GABBR2: variants seen among roughly 807,000 people sequenced by gnomAD.
GABBR2 encodes G-protein coupled receptor 51.
A neutral mutation model predicts 105.6 loss-of-function variants in GABBR2; 23 were observed. The observed-to-expected ratio is 0.22, with a 90% CI of 0.16 to 0.31. The LOEUF (loss-of-function observed/expected upper bound fraction) is 0.31, where lower values mean the gene tolerates loss of function less well. GABBR2 is among the 10% of genes least tolerant of loss of function. The pLI is 1.00. For synonymous variants in GABBR2, 478 were observed against 499.7 expected, an observed-to-expected ratio of 0.96 and a Z score of 0.58; for missense variants, 734 against 1,245.5, an observed-to-expected ratio of 0.59 and a Z score of 6.18.
intron 13 of GABBR2, among the ~76,000 whole-genome samples, chr9:98,325,283 C>CTTTTTTTTT (rs886288539): frequency 1.5e-5 from 1 of 67,618 alleles, no homozygotes; most frequent in Non-Finnish European, 2.7e-5. Flanking sequence ...GACAGCAATT[C>CTTTTTTTTT]TTTTTTTTTT....
intron 4 of GABBR2, among the ~76,000 whole-genome samples, chr9:98,493,117 G>C (rs1018888228): frequency 1.3e-5 from 2 of 151,920 alleles, no homozygotes; most frequent in South Asian, 4.2e-4. Context: ...TTATACTTTG[G>C]GTTATATTCT....
chr9:98,447,612 A>G (rs1309396051), intron 7 of GABBR2, among the ~76,000 whole-genome samples: 3 of 151,676 alleles, frequency 2.0e-5, no homozygotes. Flanking sequence ...AAGTGCACAA[A>G]CTCCAGGATC....
At position 98,306,484 on chromosome 9, in the gene GABBR2, C is replaced by T. The variant is rs1830552959; in HGVS notation, c.2005-139G>A. 7 of 657,832 alleles carry T rather than the reference C, an allele frequency of 1.1e-5. No individual in the cohort carries two copies. The highest frequency in any genetic ancestry group is 3.6e-5 in the South Asian group (2 of 56,204). 40.7% of individuals were successfully genotyped at this position (657,832 alleles called of 1,614,324 possible). On this transcript the variant is annotated intron_variant, in intron 14 of 18. Coordinates refer to ENST00000259455, the MANE Select transcript of GABBR2 (RefSeq NM_005458.8). The surrounding 1 kb of genome is among the most constrained non-coding windows in gnomAD (Gnocchi z 5.4). ...GAGGGTCGGGGGCCTTGCTGTCAGC[C>T]GGGTCTTCTGGATGTCACCATCTGT...
intron 1 of GABBR2, among the ~76,000 whole-genome samples, chr9:98,600,721 C>T (rs927733116): frequency 2.0e-5 from 3 of 152,254 alleles, no homozygotes; most frequent in Non-Finnish European, 4.4e-5. Context: ...AAGACTCCAT[C>T]GTTGCGTGGC....
At chr9:98,670,085 C>T (rs992717174) in intron 1 of GABBR2, among the ~76,000 whole-genome samples, 3 of 152,014 alleles carry the variant, frequency 2.0e-5, no homozygotes, top group Non-Finnish European at 2.9e-5. Flanking sequence ...AAGGGCCAGC[C>T]GAAGGACTGT....
At chr9:98,531,733 C>T (rs763518952) in intron 3 of GABBR2, among the ~76,000 whole-genome samples, 7 of 152,232 alleles carry the variant, frequency 4.6e-5, no homozygotes, top group Non-Finnish European at 1.0e-4. Context: ...CCTATGGAGC[C>T]TCAGCAGAAG....
At chr9:98,522,925 G>T (rs1827893359) in intron 3 of GABBR2, among the ~76,000 whole-genome samples, 1 of 152,176 alleles carries the variant, frequency 6.6e-6, no homozygotes. Context: ...GGCAGTGAGG[G>T]ATGGAGAGTA....
intron 1 of GABBR2, among the ~76,000 whole-genome samples, chr9:98,640,011 C>A (rs889145248): frequency 6.6e-6 from 1 of 151,866 alleles, no homozygotes; most frequent in Non-Finnish European, 1.5e-5. Flanking sequence ...CTGGCAATTG[C>A]CTTATTTGCA....
chr9:98,496,605 A>G (rs1564092990), intron 3 of GABBR2, 91 bp from the exon 4 acceptor site: 1 of 805,632 alleles, frequency 1.2e-6, no homozygotes, highest in Non-Finnish European at 2.2e-6. Flanking sequence ...TCAATTGGGC[A>G]AAGCGATTTT....
intron 14 of GABBR2, among the ~76,000 whole-genome samples, chr9:98,308,878 T>C (rs1830593203): frequency 1.3e-5 from 2 of 152,154 alleles, no homozygotes; most frequent in South Asian, 4.2e-4. Context: ...GAACACATCA[T>C]CCACGAATGG....
chr9:98,464,246 G>A (rs1261991137), intron 6 of GABBR2, among the ~76,000 whole-genome samples: 4 of 150,408 alleles, frequency 2.7e-5, no homozygotes, highest in South Asian at 4.3e-4. Context: ...CTGCCTGGCC[G>A]CCCCGTCTGG....
intron 1 of GABBR2, among the ~76,000 whole-genome samples, chr9:98,676,269 T>A (rs749810367): frequency 1.4e-4 from 22 of 152,148 alleles, no homozygotes; most frequent in Non-Finnish European, 1.9e-4. Flanking sequence ...GGAAATGAAT[T>A]CTCCCTTCAG....
In GABBR2 at chr9:98,685,895, C is replaced by T. The variant is rs138352528; in HGVS notation, c.321+22522G>A. Among the ~76,000 whole-genome samples the T allele has an allele frequency of 3.7e-3, 568 of 152,192 alleles. 3 individuals are homozygous for T. Among genetic ancestry groups the T allele is most frequent in the African/African-American group, 0.013 (535 of 41,516 alleles). ...TAAGAGATGAGCTCTCACTCTGTTG[C>T]TCAAGCTGTTCTCAAACTCCTGGCC... On this transcript the variant is annotated intron_variant, in intron 1 of 18. Coordinates refer to ENST00000259455, the MANE Select transcript of GABBR2 (RefSeq NM_005458.8).
At chr9:98,697,175 C>T (rs1457081352) in intron 1 of GABBR2, among the ~76,000 whole-genome samples, 1 of 152,140 alleles carries the variant, frequency 6.6e-6, no homozygotes, top group African/African-American at 2.4e-5. Context: ...CTCTCTAAGC[C>T]TCATCTGTAA....
chr9:98,390,015 A>C (rs113765899), intron 9 of GABBR2, among the ~76,000 whole-genome samples: 221 of 152,180 alleles, frequency 1.5e-3, no homozygotes, highest in African/African-American at 5.0e-3. Context: ...GGTAGCAGGG[A>C]GTGAGAACTC....
chr9:98,320,662 G>A (rs1380733469), intron 13 of GABBR2, among the ~76,000 whole-genome samples: 1 of 152,012 alleles, frequency 6.6e-6, no homozygotes, highest in Non-Finnish European at 1.5e-5. Flanking sequence ...AAAATGATGA[G>A]TTCATGTCCT....
At chr9:98,374,810 T>C (rs1241813743) in intron 11 of GABBR2, among the ~76,000 whole-genome samples, 1 of 152,198 alleles carries the variant, frequency 6.6e-6, no homozygotes, top group Non-Finnish European at 1.5e-5. Flanking sequence ...TTTGCTGATA[T>C]TGCTGTGTAT....
At chr9:98,474,359 C>A (rs1318167517) in intron 5 of GABBR2, among the ~76,000 whole-genome samples, 1 of 152,066 alleles carries the variant, frequency 6.6e-6, no homozygotes, top group Non-Finnish European at 1.5e-5. Context: ...TCAGGAAAAT[C>A]ATGGTTTTTG....
chr9:98,612,858 C>CG (rs1564130861), intron 1 of GABBR2, among the ~76,000 whole-genome samples: 2 of 152,082 alleles, frequency 1.3e-5, no homozygotes, highest in African/African-American at 4.8e-5. Context: ...CAAGTAAAGG[C>CG]GGGGGCCAGA....
Sources: allele counts gnomAD v4.1 joint callset (sites outside exome capture counted in the v4.1 genomes callset), GRCh38; gene constraint gnomAD v4.1.1; non-coding constraint Gnocchi (gnomAD v3.1); transcripts MANE v1.5; gene names NCBI Gene and HGNC (gene_info 2026-07-23, HGNC 2026-07-21).